The following PDE1C variants were observed in gnomAD, a reference collection of about 807,000 sequenced individuals.
PDE1C encodes dual specificity calcium/calmodulin-dependent 3',5'-cyclic nucleotide phosphodiesterase 1C.
PDE1C carries 62 observed loss-of-function variants against 93.1 expected under a neutral mutation model. The ratio of observed to expected loss-of-function variants is 0.67; its 90% CI spans 0.54 to 0.82. PDE1C has a LOEUF of 0.82. PDE1C is among the 40% of genes least tolerant of loss of function. The pLI is 0.00. For missense variants in PDE1C, 742 were observed against 884.6 expected, an observed-to-expected ratio of 0.84 and a Z score of 2.04; for synonymous variants, 325 against 310.1, an observed-to-expected ratio of 1.05 and a Z score of -0.50.
chr7:31,690,237 G>A, the PDE1C span, among the ~76,000 whole-genome samples: 10 of 152,298 alleles, frequency 6.6e-5, no homozygotes, highest in East Asian at 1.9e-3. Context: ...CAAAAATCTA[G>A]CGTGGTAGAT....
intron 3 of PDE1C, among the ~76,000 whole-genome samples, chr7:32,141,907 A>C (rs976277585): frequency 6.6e-6 from 1 of 152,142 alleles, no homozygotes; most frequent in Non-Finnish European, 1.5e-5. Context: ...TTCTCTGGAA[A>C]ACTAAAATTA....
At chr7:31,790,311 C>T (rs531689017) in intron 16 of PDE1C, 4 of 1,488,122 alleles carry the variant, frequency 2.7e-6, no homozygotes, top group South Asian at 1.1e-5. Flanking sequence ...TTTCCCCCCG[C>T]CCACCTCCAC....
intron 1 of PDE1C, among the ~76,000 whole-genome samples, chr7:32,211,375 T>C (rs1806014582): frequency 6.6e-6 from 1 of 152,152 alleles, no homozygotes; most frequent in African/African-American, 2.4e-5. Context: ...ATATAAATAA[T>C]TCACATTCAT....
At position 32,420,189 on chromosome 7, in the gene PDE1C, ATG is replaced by A. The variant is rs370776423; in HGVS notation, c.310+7631_310+7632del. The stretch of plus-strand genomic sequence containing the variant: ...TATGTGTATATATATACACATATAT[ATG>A]TGTATATATATACATATATATGTAT... On this transcript the variant is annotated intron_variant, in intron 1 of 1. Transcript: ENST00000672256. Among the ~76,000 whole-genome samples the A allele has an allele frequency of 5.1e-5, 2 of 39,048 alleles. 1 individual carries two copies. Among genetic ancestry groups the A allele is most frequent in the Non-Finnish European group, 1.1e-4 (2 of 18,412 alleles). 25.6% of individuals were successfully genotyped at this position (39,048 alleles called of 152,430 possible).
At chr7:32,192,241 C>T (rs1220029233) in intron 2 of PDE1C, among the ~76,000 whole-genome samples, 1 of 152,110 alleles carries the variant, frequency 6.6e-6, no homozygotes, top group Non-Finnish European at 1.5e-5. Context: ...TCAATTTTTA[C>T]TTTTATAGAT....
intron 1 of PDE1C, among the ~76,000 whole-genome samples, chr7:32,344,300 T>C (rs1364818298): frequency 6.6e-6 from 1 of 152,182 alleles, no homozygotes; most frequent in African/African-American, 2.4e-5. Flanking sequence ...GGTCTCAAAC[T>C]CATGGCCTCA....
chr7:31,658,368 G>A, the PDE1C span: 14 of 1,517,246 alleles, frequency 9.2e-6, no homozygotes, highest in Admixed American at 2.6e-4. Context: ...ACTTTCTGAA[G>A]ACACAAGACT....
chr7:31,993,422 A>C (rs536176190), intron 2 of PDE1C, among the ~76,000 whole-genome samples: 1 of 152,342 alleles, frequency 6.6e-6, no homozygotes, highest in Non-Finnish European at 1.5e-5. Context: ...CTGCAGTTAC[A>C]GGGAATTGTA....
At chr7:31,740,047 A>G in the PDE1C span, among the ~76,000 whole-genome samples, 1 of 152,044 alleles carries the variant, frequency 6.6e-6, no homozygotes, top group African/African-American at 2.4e-5. Flanking sequence ...TTCCCACTCT[A>G]CAAAAGGAAG....
rs571450525 is a variant in PDE1C, at chr7:31,805,938, G to A, written c.1891+3093C>T. ...TTCCTGATGTCTGGTATCTTAAAAAGCACTCTTCCACATATGCTGTCTGGG... is the reference window on the plus strand; with the variant it reads ...TTCCTGATGTCTGGTATCTTAAAAAACACTCTTCCACATATGCTGTCTGGG... On this transcript the variant is annotated intron_variant, in intron 16 of 17. Transcript: ENST00000396191. 8.6e-4 allele frequency among the ~76,000 whole-genome samples: 130 copies of A among 152,004 alleles called. 1 individual carries two copies. The highest frequency in any genetic ancestry group is 2.9e-3 in the African/African-American group (122 of 41,534).
At chr7:32,398,632 T>A (rs425453) in intron 1 of PDE1C, among the ~76,000 whole-genome samples, 3 of 151,832 alleles carry the variant, frequency 2.0e-5, no homozygotes, top group South Asian at 2.1e-4. Flanking sequence ...CAAGTGATCC[T>A]CCCGTCTCGG....
chr7:31,674,068 T>A, the PDE1C span, among the ~76,000 whole-genome samples: 2 of 152,198 alleles, frequency 1.3e-5, no homozygotes, highest in Non-Finnish European at 2.9e-5. Context: ...TTCAGTGACT[T>A]TGCACAAATG....
At chr7:32,181,335 C>A (rs556496347) in intron 2 of PDE1C, among the ~76,000 whole-genome samples, 1 of 152,208 alleles carries the variant, frequency 6.6e-6, no homozygotes, top group African/African-American at 2.4e-5. Context: ...CCCAAATCAA[C>A]AGAATATACA....
chr7:31,745,446 A>T, the PDE1C span, among the ~76,000 whole-genome samples: 1 of 152,214 alleles, frequency 6.6e-6, no homozygotes, highest in Non-Finnish European at 1.5e-5. Flanking sequence ...GGAAATGATA[A>T]TATAGTAGGA....
the PDE1C span, among the ~76,000 whole-genome samples, chr7:31,671,842 G>A: frequency 1.8e-4 from 27 of 152,250 alleles, no homozygotes; most frequent in Middle Eastern, 6.8e-3. Flanking sequence ...ATAGAACACC[G>A]GAACCAGGGC....
chr7:31,643,626 A>G, the PDE1C span: 10 of 1,613,934 alleles, frequency 6.2e-6, no homozygotes, highest in African/African-American at 1.3e-5. Flanking sequence ...GACTGGGGAC[A>G]AAAGCAAGAC....
In PDE1C at chr7:31,823,115, C is replaced by T. The variant is rs1789187073; in HGVS notation, c.1540G>A (p.Val514Met). 5.0e-6 allele frequency: 8 copies of T among 1,613,094 alleles called. No homozygotes were observed. Among genetic ancestry groups the T allele is most frequent in the Non-Finnish European group, 5.9e-6 (7 of 1,179,406 alleles). The change falls in exon 14 of 18, where the codon GTG becomes ATG. Residue 514 changes from valine (V) to methionine (M), a missense_variant. Val to Met is a conservative substitution (Grantham distance 21). This residue lies in a region of PDE1C where 454 missense variants were observed against 459.4 expected (regional missense o/e 0.99). Coordinates refer to ENST00000396191, the MANE Select transcript of PDE1C (RefSeq NM_001191057.4). ...CTCCATCTCTCCCGATTGATGTGCA[C>T]CACTTCCGTCCAAGTAGCTTTAAAG... is the stretch of plus-strand genomic sequence containing the variant. Reference protein sequence around the residue: ...KSFKATWTEVVHINRERWRAK... With the variant: ...KSFKATWTEVMHINRERWRAK...
At chr7:32,105,389 T>C (rs1325833086) in intron 3 of PDE1C, among the ~76,000 whole-genome samples, 1 of 152,094 alleles carries the variant, frequency 6.6e-6, no homozygotes, top group Non-Finnish European at 1.5e-5. Context: ...CATGGTCCTC[T>C]GGAAGAGAAA....
chr7:32,329,766 C>T (rs1783476240), intron 1 of PDE1C, among the ~76,000 whole-genome samples: 2 of 152,070 alleles, frequency 1.3e-5, no homozygotes, highest in African/African-American at 4.8e-5. Flanking sequence ...TCAAAGGGCT[C>T]AGGAGAGGAC....
Sources: allele counts gnomAD v4.1 joint callset (sites outside exome capture counted in the v4.1 genomes callset), GRCh38; gene constraint gnomAD v4.1.1; regional missense constraint gnomAD v4.1.1; transcripts MANE v1.5; gene names NCBI Gene and HGNC (gene_info 2026-07-23, HGNC 2026-07-21).